The following C11orf65 variants were observed in gnomAD, a reference collection of about 807,000 sequenced individuals.
The protein encoded by C11orf65 is protein MFI.
A neutral mutation model predicts 35.3 loss-of-function variants in C11orf65; 38 were observed. The ratio of observed to expected loss-of-function variants is 1.08; its 90% CI spans 0.83 to 1.41. The LOEUF (loss-of-function observed/expected upper bound fraction) is 1.41, where lower values mean the gene tolerates loss of function less well. Among genes scored for constraint, C11orf65 ranks in the 40% most tolerant of loss-of-function variants. The pLI, the probability that C11orf65 is intolerant of heterozygous loss-of-function variation, is 0.00. For missense variants in C11orf65, 370 were observed against 367.1 expected, an observed-to-expected ratio of 1.01 and a Z score of -0.06; for synonymous variants, 105 against 114.4, an observed-to-expected ratio of 0.92 and a Z score of 0.53.
chr11:108,328,948 C>G (rs1239124374), downstream of C11orf65: 2 of 1,438,758 alleles, frequency 1.4e-6, no homozygotes, highest in East Asian at 4.9e-5. Flanking sequence ...AGTGTATTAC[C>G]TTAATTTGAG....
At chr11:108,361,446 A>G (rs1394782815) in intron 2 of C11orf65, among the ~76,000 whole-genome samples, 1 of 151,982 alleles carries the variant, frequency 6.6e-6, no homozygotes, top group Non-Finnish European at 1.5e-5. Flanking sequence ...GGAAAAAACT[A>G]CTTTAAAGTT....
chr11:108,310,071 T>C (rs964159022), intron 6 of C11orf65: 2 of 1,380,212 alleles, frequency 1.4e-6, no homozygotes, highest in African/African-American at 2.9e-5. Context: ...TGTTAAGCAG[T>C]CACTACCATT....
Position 108,431,833 on chromosome 11 carries a change from G to T in C11orf65, c.87C>A (p.Val29=). ...IQQAWKSFLN[V]AIFQHFKSLI... ...GACTTTTAAAGTGTTGAAATATAGC[G>T]ACATTCTAAAGGTTCAAACACAAGA... The change falls in exon 3 of 9, where the codon GTC becomes GTA. Residue 29 remains valine (V), a synonymous_variant. Coordinates refer to ENST00000393084, the MANE Select transcript of C11orf65 (RefSeq NM_152587.5). The T allele has an allele frequency of 6.7e-7, 1 of 1,483,056 alleles. No homozygotes were observed. Among genetic ancestry groups the T allele is most frequent in the Non-Finnish European group, 9.1e-7 (1 of 1,095,014 alleles). The allele number at this position is 1,483,056 out of a possible 1,614,324, so 91.9% of individuals were successfully genotyped here. A position where few individuals can be genotyped will look rare whatever the true frequency, so the allele number is the denominator to read the frequency against.
intron 2 of C11orf65, among the ~76,000 whole-genome samples, chr11:108,343,697 AGC>A (rs1417256304): frequency 6.6e-6 from 1 of 152,212 alleles, no homozygotes; most frequent in Non-Finnish European, 1.5e-5. Flanking sequence ...CTGTAATCCC[AGC>A]TACTTGAGAG....
chr11:108,325,909 G>A, intron 6 of C11orf65: 3 of 930,550 alleles, frequency 3.2e-6, no homozygotes, highest in Non-Finnish European at 4.9e-6. Context: ...GTGGGGAGAT[G>A]TCATGCAGAC....
At chr11:108,432,485 T>C (rs2093003679) in intron 2 of C11orf65, among the ~76,000 whole-genome samples, 2 of 152,220 alleles carry the variant, frequency 1.3e-5, no homozygotes, top group Non-Finnish European at 2.9e-5. Flanking sequence ...TGAGTGTTCA[T>C]CTATTTTTCA....
intron 2 of C11orf65, among the ~76,000 whole-genome samples, chr11:108,349,675 T>C (rs942728072): frequency 2.0e-5 from 3 of 151,896 alleles, no homozygotes; most frequent in African/African-American, 7.3e-5. Context: ...AAAAAGAATG[T>C]GGAATCTTCC....
intron 1 of C11orf65, among the ~76,000 whole-genome samples, chr11:108,462,388 T>C (rs1026396875): frequency 1.3e-5 from 2 of 152,210 alleles, no homozygotes; most frequent in African/African-American, 4.8e-5. Flanking sequence ...AATTTGTATA[T>C]TTTTTTCTAG....
At chr11:108,349,214 A>AAAGAAG (rs2088866849) in intron 2 of C11orf65, among the ~76,000 whole-genome samples, 1 of 152,244 alleles carries the variant, frequency 6.6e-6, no homozygotes, top group Admixed American at 6.5e-5. Flanking sequence ...ATAGTATCTG[A>AAAGAAG]TACAGAAAGG....
At chr11:108,316,538 T>A (rs1200975942) in intron 6 of C11orf65, among the ~76,000 whole-genome samples, 2 of 152,270 alleles carry the variant, frequency 1.3e-5, no homozygotes, top group Non-Finnish European at 2.9e-5. Context: ...CCTTAGCCAT[T>A]CTTCCATGAA....
chr11:108,407,485 ATTTTTT>A (rs375638984), intron 3 of C11orf65, among the ~76,000 whole-genome samples: 175 of 137,112 alleles, frequency 1.3e-3, no homozygotes, highest in Non-Finnish European at 1.9e-3. Context: ...CTAATTTTGT[ATTTTTT>A]TTTTTTTTTG....
intron 2 of C11orf65, among the ~76,000 whole-genome samples, chr11:108,436,631 A>C (rs2135466869): frequency 6.6e-6 from 1 of 152,364 alleles, no homozygotes; most frequent in South Asian, 2.1e-4. Flanking sequence ...ACTTGACCAA[A>C]CAAGGACAAA....
chr11:108,312,336 A>C, intron 6 of C11orf65: 1 of 1,125,192 alleles, frequency 8.9e-7, no homozygotes, highest in Admixed American at 1.8e-5. Context: ...TTTTCTGTCA[A>C]AGTCTATAGT....
intron 2 of C11orf65, among the ~76,000 whole-genome samples, chr11:108,346,919 G>A (rs2088492357): frequency 6.6e-6 from 1 of 152,102 alleles, no homozygotes; most frequent in South Asian, 2.1e-4. Flanking sequence ...CATTTTATAA[G>A]TATGTTCAAT....
At chr11:108,359,422 AACTCAGCTCTGC>A (rs2090436281) in intron 2 of C11orf65, among the ~76,000 whole-genome samples, 1 of 152,140 alleles carries the variant, frequency 6.6e-6, no homozygotes, top group African/African-American at 2.4e-5. Context: ...CCAGGAATTG[AACTCAGCTCTGC>A]ACCAAGCGGA....
chr11:108,362,810 G>C (rs1280067732), intron 2 of C11orf65, among the ~76,000 whole-genome samples: 2 of 111,104 alleles, frequency 1.8e-5, no homozygotes, highest in Non-Finnish European at 3.5e-5. Context: ...GGGGTGGGGG[G>C]CGGGGGGAGG....
chr11:108,346,218 G>C (rs989953640), intron 2 of C11orf65, among the ~76,000 whole-genome samples: 1 of 151,924 alleles, frequency 6.6e-6, no homozygotes, highest in African/African-American at 2.4e-5. Flanking sequence ...TATTTTCTGA[G>C]ACTTTCTTTG....
chr11:108,375,591 A>C lies in C11orf65; in HGVS notation c.226+17617T>G, dbSNP rs184416783. 1.2e-3 allele frequency among the ~76,000 whole-genome samples: 185 copies of C among 152,242 alleles called. 1 individual carries two copies. The highest frequency in any genetic ancestry group is 3.9e-3 in the African/African-American group (160 of 41,508). On this transcript the variant is annotated intron_variant, in intron 2 of 3. Transcript: ENST00000524755. ...AACTGCATCAACTAACGAACAAAAT[A>C]ACCAGCTAACATCATAATGACAGGA...
chr11:108,348,584 TGTAAA>T (rs1044703145), intron 2 of C11orf65, among the ~76,000 whole-genome samples: 30 of 151,950 alleles, frequency 2.0e-4, no homozygotes, highest in Non-Finnish European at 3.4e-4. Context: ...GTGAATGTAA[TGTAAA>T]GAAGTGTGAA....
Sources: gnomAD v4.1 joint callset for allele counts (sites outside exome capture counted in the v4.1 genomes callset) on GRCh38, gnomAD v4.1.1 for gene constraint, MANE v1.5 for transcripts, NCBI Gene and HGNC (gene_info 2026-07-23, HGNC 2026-07-21) for gene names.